XYLT1: variants seen among roughly 807,000 people sequenced by gnomAD.
XYLT1 encodes beta-D-xylosyltransferase 1.
In XYLT1, 36 loss-of-function variants were observed where a neutral mutation model predicts 91.3. The observed-to-expected ratio is 0.39, with a 90% CI of 0.30 to 0.52. The LOEUF is 0.52. XYLT1 is among the 20% of genes least tolerant of loss of function. XYLT1 has a pLI of 0.68. For missense variants in XYLT1, 1,242 were observed against 1,284.5 expected, an observed-to-expected ratio of 0.97 and a Z score of 0.51; for synonymous variants, 588 against 532.0, an observed-to-expected ratio of 1.11 and a Z score of -1.45.
At chr16:17,219,543 CA>C (rs2032926290) in intron 3 of XYLT1, among the ~76,000 whole-genome samples, 3 of 152,178 alleles carry the variant, frequency 2.0e-5, no homozygotes, top group Non-Finnish European at 2.9e-5. Flanking sequence ...CCAGGCAGGT[CA>C]CTCTTCGACC....
At position 17,141,919 on chromosome 16, in the gene XYLT1, T is replaced by C. The variant is rs141839933; in HGVS notation, c.1371-550A>G. Among the ~76,000 whole-genome samples the C allele has an allele frequency of 8.2e-4, 125 of 152,340 alleles. 1 individual carries two copies. The highest frequency in any genetic ancestry group is 2.9e-3 in the African/African-American group (121 of 41,584). On this transcript the variant is annotated intron_variant, in intron 6 of 11. Transcript: ENST00000261381. ...TACAACATTTTTAAAATTTTTATTT[T>C]TTGAGACAGGGTCGTGTTCCGTTGC...
At chr16:17,133,788 T>A (rs1169900932) in intron 9 of XYLT1, among the ~76,000 whole-genome samples, 1 of 152,212 alleles carries the variant, frequency 6.6e-6, no homozygotes, top group Non-Finnish European at 1.5e-5. Context: ...TCTAGAACAC[T>A]CTTTCCTGAA....
chr16:17,178,256 AAGT>A (rs901962162), intron 5 of XYLT1, among the ~76,000 whole-genome samples: 12 of 152,062 alleles, frequency 7.9e-5, no homozygotes, highest in African/African-American at 2.9e-4. Flanking sequence ...ATGGCACACG[AAGT>A]AGGTTAGGGG....
chr16:17,266,288 G>A (rs2033802229), intron 2 of XYLT1, among the ~76,000 whole-genome samples: 2 of 152,100 alleles, frequency 1.3e-5, no homozygotes. Flanking sequence ...GCCGAAGATG[G>A]CACCTACTTC....
intron 2 of XYLT1, among the ~76,000 whole-genome samples, chr16:17,282,872 C>T (rs879313848): frequency 6.6e-6 from 1 of 152,180 alleles, no homozygotes; most frequent in Non-Finnish European, 1.5e-5. Context: ...CTGCATTACA[C>T]TATTTCATCC....
chr16:17,245,295 A>C (rs764635), intron 3 of XYLT1, among the ~76,000 whole-genome samples: 5 of 152,138 alleles, frequency 3.3e-5, no homozygotes, highest in Admixed American at 6.5e-5. Context: ...CCATCTTTTC[A>C]CTTTGGTCGC....
intron 3 of XYLT1, among the ~76,000 whole-genome samples, chr16:17,254,149 C>T (rs998491026): frequency 6.6e-6 from 1 of 152,154 alleles, no homozygotes. Context: ...CACAGGTGAC[C>T]CTTGAACAGC....
chr16:17,278,053 G>A (rs1427245583), intron 2 of XYLT1, among the ~76,000 whole-genome samples: 6 of 152,104 alleles, frequency 3.9e-5, no homozygotes, highest in Non-Finnish European at 7.4e-5. Flanking sequence ...AGAGTGAGAC[G>A]CCTCCCTGCG....
At chr16:17,136,779 G>A (rs1238436556) in intron 8 of XYLT1, among the ~76,000 whole-genome samples, 1 of 152,012 alleles carries the variant, frequency 6.6e-6, no homozygotes, top group Non-Finnish European at 1.5e-5. Context: ...GATCTTGGGG[G>A]ATATTCTTAA....
intron 6 of XYLT1, among the ~76,000 whole-genome samples, chr16:17,146,535 G>A (rs930343922): frequency 1.3e-5 from 2 of 151,974 alleles, no homozygotes; most frequent in Admixed American, 6.5e-5. Context: ...GCCTGAATAC[G>A]AAAAAACAAG....
chr16:17,458,111 ACT>A (rs1475619798), intron 1 of XYLT1, among the ~76,000 whole-genome samples: 1 of 152,094 alleles, frequency 6.6e-6, no homozygotes, highest in Non-Finnish European at 1.5e-5. Context: ...GAGAGCTGAG[ACT>A]CTGCAAAATT....
intron 2 of XYLT1, among the ~76,000 whole-genome samples, chr16:17,314,661 A>G (rs1250732558): frequency 6.6e-6 from 1 of 152,218 alleles, no homozygotes; most frequent in Non-Finnish European, 1.5e-5. Flanking sequence ...ACACAGAAAC[A>G]AGAAAACCAC....
At chr16:17,296,706 A>T (rs539272617) in intron 2 of XYLT1, among the ~76,000 whole-genome samples, 3 of 152,326 alleles carry the variant, frequency 2.0e-5, no homozygotes, top group Admixed American at 2.0e-4. Context: ...TACACCAAAG[A>T]CAGAGAAGGA....
chr16:17,402,327 C>CA (rs60232971), intron 1 of XYLT1, among the ~76,000 whole-genome samples: 32,395 of 140,442 alleles, frequency 0.23, 3,753 homozygotes, highest in Middle Eastern at 0.3. Flanking sequence ...AAAACAAAAA[C>CA]AAAAAAAAAA....
At chr16:17,122,772 G>A (rs1310943207) in intron 10 of XYLT1, among the ~76,000 whole-genome samples, 1 of 152,210 alleles carries the variant, frequency 6.6e-6, no homozygotes, top group Admixed American at 6.5e-5. Context: ...TAAGGTGAGA[G>A]ATGAGGATTC....
chr16:17,197,372 A>G (rs1223320400), intron 5 of XYLT1, among the ~76,000 whole-genome samples: 1 of 152,084 alleles, frequency 6.6e-6, no homozygotes, highest in East Asian at 1.9e-4. Flanking sequence ...ACTGTCCCCT[A>G]CTTTTGCCCC....
intron 5 of XYLT1, among the ~76,000 whole-genome samples, chr16:17,182,517 C>A (rs950724169): frequency 6.6e-6 from 1 of 152,082 alleles, no homozygotes; most frequent in African/African-American, 2.4e-5. Context: ...AGAGCTTCGA[C>A]ATATAAATTT....
intron 2 of XYLT1, among the ~76,000 whole-genome samples, chr16:17,293,819 G>A (rs1393628747): frequency 2.0e-5 from 3 of 152,116 alleles, no homozygotes; most frequent in Non-Finnish European, 4.4e-5. Context: ...CACCACTAGT[G>A]CCCAATGTTT....
At chr16:17,432,429 T>C (rs1159456398) in intron 1 of XYLT1, among the ~76,000 whole-genome samples, 1 of 151,970 alleles carries the variant, frequency 6.6e-6, no homozygotes, top group Non-Finnish European at 1.5e-5. Context: ...CATCACGTGA[T>C]AGCCAGTGCA....
Sources: gnomAD v4.1 joint callset for allele counts (sites outside exome capture counted in the v4.1 genomes callset) on GRCh38, gnomAD v4.1.1 for gene constraint, MANE v1.5 for transcripts, NCBI Gene and HGNC (gene_info 2026-07-23, HGNC 2026-07-21) for gene names.